The following CUBN variants were observed in gnomAD, a reference collection of about 807,000 sequenced individuals.
CUBN encodes 460 kDa receptor.
In CUBN, 282 loss-of-function variants were observed where a neutral mutation model predicts 405.3. The ratio of observed to expected loss-of-function variants is 0.70; its 90% CI spans 0.63 to 0.77. The LOEUF (loss-of-function observed/expected upper bound fraction) is 0.77, where lower values mean the gene tolerates loss of function less well. Ranked by LOEUF, CUBN falls within the 30% of genes least tolerant of loss-of-function variation. The pLI, the probability that CUBN is intolerant of heterozygous loss-of-function variation, is 0.00. For missense variants in CUBN, 4,514 were observed against 4,475.2 expected, an observed-to-expected ratio of 1.01 and a Z score of -0.25; for synonymous variants, 1,684 against 1,617.0, an observed-to-expected ratio of 1.04 and a Z score of -0.99.
chr10:16,956,270 G>C (rs1451660251), intron 31 of CUBN, among the ~76,000 whole-genome samples: 2 of 151,538 alleles, frequency 1.3e-5, no homozygotes, highest in Non-Finnish European at 2.9e-5. Context: ...AACAAATGTG[G>C]GTCTGTTCTG....
In CUBN at chr10:16,907,693, A is replaced by G. The variant is rs1414653849; in HGVS notation, c.7534-14T>C. On this transcript the variant is annotated splice_polypyrimidine_tract_variant and intron_variant, in intron 48 of 66. Coordinates refer to ENST00000377833, the MANE Select transcript of CUBN (RefSeq NM_001081.4). The stretch of plus-strand genomic sequence containing the variant: ...GCCATTGAATACCTGTTGGAAAAAG[A>G]GTTTAACCTTCAGGCACACAATCCA... 1.9e-6 allele frequency: 3 copies of G among 1,611,538 alleles called. No homozygotes were observed. The highest frequency in any genetic ancestry group is 2.5e-6 in the Non-Finnish European group (3 of 1,179,604).
intron 8 of CUBN, among the ~76,000 whole-genome samples, chr10:17,112,605 G>A (rs2131310564): frequency 6.6e-6 from 1 of 151,722 alleles, no homozygotes; most frequent in African/African-American, 2.4e-5. Flanking sequence ...AAATGTGATT[G>A]CTTGCAAATT....
intron 27 of CUBN, among the ~76,000 whole-genome samples, chr10:17,037,232 T>C (rs943756717): frequency 5.3e-5 from 8 of 152,362 alleles, no homozygotes; most frequent in African/African-American, 1.4e-4. Flanking sequence ...TTGACATTTT[T>C]ATCAATTATT....
rs146563383 is a variant in CUBN, at chr10:16,902,445, C to T, written c.8063-986G>A. Among the ~76,000 whole-genome samples the T allele has an allele frequency of 4.7e-3, 704 of 149,736 alleles. 1 individual carries two copies. The highest frequency in any genetic ancestry group is 7.0e-3 in the Non-Finnish European group (473 of 67,582). On this transcript the variant is annotated intron_variant, in intron 51 of 66. Coordinates refer to ENST00000377833, the MANE Select transcript of CUBN (RefSeq NM_001081.4). ...AGTTTAGGAATAACAAAATTCCATA[C>T]GGTATTAGCATAGAAAATTGAAAAT...
rs115803333 is a variant in CUBN, at chr10:16,828,789, T to C, written c.10764+16A>G. On this transcript the variant is annotated intron_variant, in intron 66 of 66. Coordinates refer to ENST00000377833, the MANE Select transcript of CUBN (RefSeq NM_001081.4). The stretch of plus-strand genomic sequence containing the variant: ...AAAAATAACAAATGGGAATATAAAA[T>C]GTTTGTTTTACTCACGCCTCCGCAG... 8.2e-5 allele frequency: 128 copies of C among 1,554,110 alleles called. No homozygotes were observed. In the African/African-American group the frequency reaches 1.5e-3, roughly 19 times the overall value.
chr10:16,905,347 G>C (rs1841524898), intron 50 of CUBN, among the ~76,000 whole-genome samples: 1 of 152,136 alleles, frequency 6.6e-6, no homozygotes, highest in Non-Finnish European at 1.5e-5. Flanking sequence ...AAATTCTTAA[G>C]AGAATTATGG....
intron 46 of CUBN, 27 bp from the exon 47 acceptor site, chr10:16,915,199 C>T (rs1344811162): frequency 1.9e-6 from 3 of 1,612,694 alleles, no homozygotes; most frequent in African/African-American, 1.3e-5. Flanking sequence ...ATTAAATATA[C>T]ATGTCCAAGT....
rs1302570592 is a variant in CUBN at position 16,890,437 on chromosome 10, T to C, written c.8689A>G (p.Thr2897Ala). ...APGPVITPSN[T>A]FTAVFQSQEA... ...TGAGACTGGAAGACGGCAGTGAATG[T>C]GTTACTTGGTGTGATAACGGGACCC... Residue 2897 changes from threonine to alanine, a missense_variant, in exon 55 of 67, where the codon ACA becomes GCA. Coordinates refer to ENST00000377833, the MANE Select transcript of CUBN (RefSeq NM_001081.4). 3 of 1,614,102 alleles carry C rather than the reference T, an allele frequency of 1.9e-6. No individual in the cohort carries two copies. Among genetic ancestry groups the C allele is most frequent in the African/African-American group, 1.3e-5 (1 of 75,038 alleles).
intron 59 of CUBN, among the ~76,000 whole-genome samples, chr10:16,865,064 GT>G (rs1391670049): frequency 6.9e-6 from 1 of 145,242 alleles, no homozygotes; most frequent in Non-Finnish European, 1.5e-5. Context: ...TGCCTCCTGG[GT>G]TCAAGTGATT....
intron 28 of CUBN, among the ~76,000 whole-genome samples, chr10:17,008,429 C>CGTGTGTGTGTGTGTGTGT (rs59235819): frequency 5.3e-5 from 7 of 131,636 alleles, no homozygotes; most frequent in Admixed American, 2.3e-4. Flanking sequence ...AATCCCTGCT[C>CGTGTGTGTGTGTGTGTGT]GTGTGTGTGT....
intron 28 of CUBN, among the ~76,000 whole-genome samples, chr10:17,011,450 G>A (rs1401240871): frequency 6.6e-6 from 1 of 152,048 alleles, no homozygotes; most frequent in Non-Finnish European, 1.5e-5. Flanking sequence ...GTGGGTTCGT[G>A]GTCTTGCTGA....
At chr10:17,045,836 G>A in intron 24 of CUBN, 98 bp downstream of exon 24, 1 of 1,243,908 alleles carries the variant, frequency 8.0e-7, no homozygotes, top group South Asian at 1.2e-5. Context: ...ATACAGCTGG[G>A]CAAACATGGA....
chr10:16,843,283 T>C (rs922019350), intron 60 of CUBN, among the ~76,000 whole-genome samples: 1 of 152,188 alleles, frequency 6.6e-6, no homozygotes, highest in Non-Finnish European at 1.5e-5. Flanking sequence ...CCATTGTACT[T>C]CTAAAATGAG....
intron 33 of CUBN, 102 bp from the exon 34 acceptor site, chr10:16,950,213 A>T: frequency 1.3e-6 from 1 of 758,562 alleles, no homozygotes. Flanking sequence ...TGACTATAAA[A>T]AATAGAAGGA....
intron 27 of CUBN, among the ~76,000 whole-genome samples, chr10:17,030,643 G>A (rs1242321971): frequency 6.6e-6 from 1 of 152,120 alleles, no homozygotes; most frequent in African/African-American, 2.4e-5. Context: ...TGTTGGTCGG[G>A]CGTGGTGGCT....
intron 65 of CUBN, 87 bp from the exon 66 acceptor site, chr10:16,829,127 T>A: frequency 2.1e-6 from 2 of 952,592 alleles, no homozygotes; most frequent in Non-Finnish European, 3.3e-6. Context: ...TTTATTTTCT[T>A]AAGGTGCTGA....
intron 10 of CUBN, 151 bp from the exon 11 acceptor site, chr10:17,105,726 A>T (rs1300184340): frequency 1.1e-5 from 7 of 642,074 alleles, no homozygotes; most frequent in Non-Finnish European, 2.0e-5. Flanking sequence ...ATGAGGAGAA[A>T]ATATTAGAAT....
intron 60 of CUBN, 38 bp downstream of exon 60, chr10:16,851,197 G>C (rs1287320112): frequency 6.8e-7 from 1 of 1,480,270 alleles, no homozygotes; most frequent in African/African-American, 1.4e-5. Context: ...TAGAGTCTGG[G>C]ATGAATAGAC....
chr10:16,912,943 G>A (rs10904836), intron 48 of CUBN, among the ~76,000 whole-genome samples: 1 of 152,110 alleles, frequency 6.6e-6, no homozygotes, highest in African/African-American at 2.4e-5. Flanking sequence ...AGAGGAGAAC[G>A]GAACCAGGGG....
Sources: gnomAD v4.1 joint callset for allele counts (sites outside exome capture counted in the v4.1 genomes callset) on GRCh38, gnomAD v4.1.1 for gene constraint, MANE v1.5 for transcripts, NCBI Gene and HGNC (gene_info 2026-07-23, HGNC 2026-07-21) for gene names.